Variants in EDIL3 observed in about 807,000 individuals in gnomAD.
EDIL3 encodes EGF like and discoidin domains 3, also known as EGF-like repeat and discoidin I-like domain-containing protein 3.
In EDIL3, 37 loss-of-function variants were observed where a neutral mutation model predicts 67.4. That is an observed-to-expected ratio of 0.55 (90% CI 0.42 to 0.72). The LOEUF (loss-of-function observed/expected upper bound fraction) is 0.72. Among genes scored for constraint, EDIL3 ranks in the 30% least tolerant of loss-of-function variants. EDIL3 has a pLI of 0.00. For missense variants in EDIL3, 527 were observed against 586.3 expected, an observed-to-expected ratio of 0.90 and a Z score of 1.04; for synonymous variants, 195 against 196.3, an observed-to-expected ratio of 0.99 and a Z score of 0.05.
At chr5:84,184,553 C>T (rs2112361280) in intron 3 of EDIL3, among the ~76,000 whole-genome samples, 1 of 152,292 alleles carries the variant, frequency 6.6e-6, no homozygotes, top group South Asian at 2.1e-4. Context: ...AGCTGCTAAA[C>T]ACACAAGCCT....
chr5:84,055,551 T>G (rs1229975233), intron 9 of EDIL3, among the ~76,000 whole-genome samples: 3 of 151,708 alleles, frequency 2.0e-5, no homozygotes, highest in East Asian at 3.9e-4. Context: ...ATTTTTGCAA[T>G]CTAGTCATCT....
intron 4 of EDIL3, among the ~76,000 whole-genome samples, chr5:84,147,392 T>G (rs944551823): frequency 6.6e-6 from 1 of 152,052 alleles, no homozygotes; most frequent in Non-Finnish European, 1.5e-5. Flanking sequence ...CAAACAAGTA[T>G]GTTGAATTTT....
chr5:83,972,647 G>A (rs1744813342), intron 9 of EDIL3, among the ~76,000 whole-genome samples: 1 of 151,924 alleles, frequency 6.6e-6, no homozygotes, highest in African/African-American at 2.4e-5. Flanking sequence ...AACTCAACCA[G>A]GCTTCACTAA....
chr5:84,085,365 G>T (rs1419447568), intron 6 of EDIL3, among the ~76,000 whole-genome samples: 1 of 152,172 alleles, frequency 6.6e-6, no homozygotes, highest in Admixed American at 6.5e-5. Flanking sequence ...GAGTTTTTGT[G>T]TGGGGGTCTT....
chr5:83,944,978 C>T (rs1229316211), intron 10 of EDIL3, among the ~76,000 whole-genome samples: 5 of 151,896 alleles, frequency 3.3e-5, no homozygotes, highest in Non-Finnish European at 7.4e-5. Context: ...TAAAAGCCTT[C>T]TAGGCTAGAT....
rs1747106789 is a variant in EDIL3, at chr5:84,088,284, A to AT, written c.651+18364dup. Among the ~76,000 whole-genome samples the AT allele has an allele frequency of 5.9e-5, 9 of 152,332 alleles. No homozygotes were observed. In the South Asian group the frequency reaches 1.9e-3, roughly 32 times the overall value. On this transcript the variant is annotated intron_variant, in intron 6 of 10. Coordinates refer to ENST00000296591, the MANE Select transcript of EDIL3 (RefSeq NM_005711.5). ...TCAGATAATGCATTGATGTTTCAAA[A>AT]TTTATGTACATCTTTCCAAATCCAG...
chr5:84,359,433 C>T (rs568119874), intron 1 of EDIL3, among the ~76,000 whole-genome samples: 1 of 152,118 alleles, frequency 6.6e-6, no homozygotes, highest in Non-Finnish European at 1.5e-5. Context: ...AAATAACAAA[C>T]ACAAGACTTA....
chr5:84,243,707 T>G (rs1744843244), intron 2 of EDIL3, among the ~76,000 whole-genome samples: 1 of 152,234 alleles, frequency 6.6e-6, no homozygotes, highest in South Asian at 2.1e-4. Flanking sequence ...GGGTTCTATC[T>G]CTGGCTGAGA....
At chr5:84,205,869 G>A (rs1184600464) in intron 3 of EDIL3, among the ~76,000 whole-genome samples, 1 of 149,690 alleles carries the variant, frequency 6.7e-6, no homozygotes, top group Non-Finnish European at 1.5e-5. Flanking sequence ...ACCAGCTCCT[G>A]GATTCATTAA....
chr5:84,311,098 T>A (rs765925090), intron 1 of EDIL3, among the ~76,000 whole-genome samples: 10 of 152,154 alleles, frequency 6.6e-5, no homozygotes, highest in Non-Finnish European at 1.2e-4. Context: ...TTATTTACTC[T>A]TCTTGTGGCT....
chr5:83,951,808 C>T (rs965324084), intron 10 of EDIL3, among the ~76,000 whole-genome samples: 2 of 151,560 alleles, frequency 1.3e-5, no homozygotes, highest in African/African-American at 4.8e-5. Context: ...TTTTTTAGAA[C>T]ATTTAACTTC....
intron 4 of EDIL3, among the ~76,000 whole-genome samples, chr5:84,176,187 T>A (rs1382194031): frequency 4.5e-4 from 17 of 37,744 alleles, no homozygotes; most frequent in African/African-American, 1.9e-3. Flanking sequence ...AAAAAATATA[T>A]ATATATATAT....
Position 84,254,196 on chromosome 5 carries a change from G to T in EDIL3, c.84C>A (p.Pro28=). ...PQFGKGDICD[P]NPCENGGICL... is the part of the protein sequence containing the mutation. ...AGATACCTCCATTTTCACATGGATTGGGATCACAAATATCACCTAAGGCAT... is the reference window on the plus strand; with the variant it reads ...AGATACCTCCATTTTCACATGGATTTGGATCACAAATATCACCTAAGGCAT... Residue 28 remains proline (P), a synonymous_variant, in exon 2 of 11, where the codon CCC becomes CCA. Transcript: ENST00000296591. 2.5e-6 allele frequency: 4 copies of T among 1,611,444 alleles called. No homozygotes were observed. Among genetic ancestry groups the T allele is most frequent in the Non-Finnish European group, 3.4e-6 (4 of 1,178,796 alleles).
intron 9 of EDIL3, among the ~76,000 whole-genome samples, chr5:84,029,394 T>C (rs1374865995): frequency 6.6e-6 from 1 of 152,198 alleles, no homozygotes; most frequent in African/African-American, 2.4e-5. Context: ...TCCCCAGCCA[T>C]GTGGAACTCT....
chr5:84,044,080 C>T (rs1746178492), intron 9 of EDIL3, among the ~76,000 whole-genome samples: 1 of 151,940 alleles, frequency 6.6e-6, no homozygotes, highest in African/African-American at 2.4e-5. Context: ...TCGACAGGCC[C>T]CTGTGTGTGA....
In EDIL3 at chr5:84,223,891, CA is replaced by C. The variant is rs756578909; in HGVS notation, c.226+5963del. On this transcript the variant is annotated intron_variant, in intron 3 of 10. Transcript: ENST00000296591. Reference sequence around the variant, plus strand: ...TCACATTGTATACCTTAAATTTATACAAAAAAGAACAAAATATTTTTACCAT... The same window carrying C: ...TCACATTGTATACCTTAAATTTATACAAAAAGAACAAAATATTTTTACCAT... 9.9e-5 allele frequency among the ~76,000 whole-genome samples: 15 copies of C among 151,100 alleles called. No individual in the cohort carries two copies. In the East Asian group the frequency reaches 1.7e-3, roughly 18 times the overall value.
chr5:84,090,921 T>A (rs1747154961), intron 6 of EDIL3, among the ~76,000 whole-genome samples: 1 of 151,208 alleles, frequency 6.6e-6, no homozygotes, highest in Admixed American at 6.6e-5. Flanking sequence ...GCACTCCAGG[T>A]TGGCGACAGA....
At chr5:84,012,426 G>A (rs955378642) in intron 9 of EDIL3, among the ~76,000 whole-genome samples, 4 of 152,060 alleles carry the variant, frequency 2.6e-5, no homozygotes, top group Non-Finnish European at 5.9e-5. Context: ...AATTCCTTCA[G>A]GGCTATCATC....
intron 1 of EDIL3, among the ~76,000 whole-genome samples, chr5:84,374,443 TTA>T (rs1459869854): frequency 1.3e-5 from 2 of 152,248 alleles, no homozygotes; most frequent in Non-Finnish European, 2.9e-5. Context: ...TGGAAAATAC[TTA>T]TGTTTCCTAA....
Sources: allele counts gnomAD v4.1 joint callset (sites outside exome capture counted in the v4.1 genomes callset), GRCh38; gene constraint gnomAD v4.1.1; transcripts MANE v1.5; gene names NCBI Gene and HGNC (gene_info 2026-07-23, HGNC 2026-07-21).